Variants in ANKRD36 observed in about 807,000 individuals in gnomAD.
The protein encoded by ANKRD36 is ankyrin repeat domain 36.
ANKRD36 carries 179 observed loss-of-function variants against 278.1 expected under a neutral mutation model. The ratio of observed to expected loss-of-function variants is 0.64; its 90% confidence interval spans 0.57 to 0.73. The LOEUF (loss-of-function observed/expected upper bound fraction) is 0.73, where lower values mean the gene tolerates loss of function less well. Among genes scored for constraint, ANKRD36 ranks in the 30% least tolerant of loss-of-function variants. ANKRD36 has a pLI of 0.00. For synonymous variants in ANKRD36, 320 were observed against 641.1 expected, an observed-to-expected ratio of 0.50 and a Z score of 7.57; for missense variants, 1,159 against 1,956.7, an observed-to-expected ratio of 0.59 and a Z score of 7.69.
chr2:97,183,786 A>G, intron 28 of ANKRD36, 132 bp downstream of exon 28: 2 of 1,286,616 alleles, frequency 1.6e-6, no homozygotes, highest in Non-Finnish European at 2.1e-6. Context: ...ATGCATTTCT[A>G]GTAAGTTGTC....
At chr2:97,201,272 G>T (rs1423371708) in intron 46 of ANKRD36, among the ~76,000 whole-genome samples, 15 of 152,002 alleles carry the variant, frequency 9.9e-5, no homozygotes, top group South Asian at 6.3e-4. Context: ...TGGTTTCCTT[G>T]TTCAAGGAGC....
chr2:97,158,805 A>G (rs2048160771), intron 17 of ANKRD36, 150 bp downstream of exon 17: 1 of 779,872 alleles, frequency 1.3e-6, no homozygotes, highest in African/African-American at 1.7e-5. Flanking sequence ...TTCACTTGCC[A>G]TCTCCCTGTC....
intron 48 of ANKRD36, among the ~76,000 whole-genome samples, chr2:97,203,413 C>T (rs1259894075): frequency 2.6e-5 from 4 of 151,856 alleles, no homozygotes; most frequent in Non-Finnish European, 4.4e-5. Flanking sequence ...CTTCGTGCCA[C>T]GACTGGATGA....
rs1401081926 is a variant in ANKRD36 at position 97,204,167 on chromosome 2, TATTTC to T, written c.2989-17_2989-13del. 2.5e-6 allele frequency: 4 copies of T among 1,576,556 alleles called. No homozygotes were observed. Among genetic ancestry groups the T allele is most frequent in the Non-Finnish European group, 3.4e-6 (4 of 1,163,852 alleles). On this transcript the variant is annotated intron_variant, in intron 49 of 75. Coordinates refer to ENST00000420699, the MANE Select transcript of ANKRD36 (RefSeq NM_001354587.1). ...TACGAAACATACTTTATTAATTTAT[TATTTC>T]ATTTCAAATTCCATTCAGGCTACAA...
rs539354495 is a variant in ANKRD36, at chr2:97,207,422, T to C, written c.3164-389T>C. The stretch of plus-strand genomic sequence containing the variant: ...TTTGTAGTATAATGGTGTAAATCCT[T>C]TTTATTTCCTGCATGAAAGACATGT... On this transcript the variant is annotated intron_variant, in intron 52 of 75. Coordinates refer to ENST00000420699, the MANE Select transcript of ANKRD36 (RefSeq NM_001354587.1). Among the ~76,000 whole-genome samples, 637 of 151,222 alleles carry C rather than the reference T, an allele frequency of 4.2e-3. 7 individuals are homozygous for C. The highest frequency in any genetic ancestry group is 0.015 in the African/African-American group (609 of 41,428).
chr2:97,217,089 A>G, intron 62 of ANKRD36, 88 bp from the exon 63 acceptor site: 1 of 1,544,162 alleles, frequency 6.5e-7, no homozygotes, highest in South Asian at 1.2e-5. Flanking sequence ...AGGCAGAAGG[A>G]TACAGCTTGA....
At chr2:97,123,389 A>G (rs2037473921) in intron 4 of ANKRD36, among the ~76,000 whole-genome samples, 1 of 102,568 alleles carries the variant, frequency 9.7e-6, no homozygotes, top group African/African-American at 2.7e-5. Flanking sequence ...CTGTGTTTTG[A>G]TGTTGTTTTT....
intron 15 of ANKRD36, among the ~76,000 whole-genome samples, 172 bp downstream of exon 15, chr2:97,154,913 T>A (rs1020531956): frequency 6.9e-6 from 1 of 144,324 alleles, no homozygotes; most frequent in African/African-American, 2.5e-5. Flanking sequence ...TAATTTTAAT[T>A]TTTTTTTACT....
Position 97,158,165 on chromosome 2 carries a change from A to G in ANKRD36, c.1319A>G (p.Asn440Ser), listed in dbSNP as rs965772084. The G allele has an allele frequency of 2.0e-6, 3 of 1,503,626 alleles. No individual in the cohort carries two copies. Among genetic ancestry groups the G allele is most frequent in the African/African-American group, 2.8e-5 (2 of 72,260 alleles). The allele number at this position is 1,503,626 out of a possible 1,614,324, so 93.1% of individuals were successfully genotyped here. The stretch of plus-strand genomic sequence containing the variant: ...ACTATTTCTCAACAATCTGCAGAAA[A>G]TTGTAAGCTATTTGAAACCTGACTA... ...RRTISQQSAE[N>S]LDAACGIDKT... The change falls in exon 16 of 76, where the codon AAT becomes AGT. Residue 440 changes from asparagine to serine, a missense_variant and splice_region_variant. Coordinates refer to ENST00000420699, the MANE Select transcript of ANKRD36 (RefSeq NM_001354587.1).
At chr2:97,132,866 G>T (rs1163304918) in intron 6 of ANKRD36, among the ~76,000 whole-genome samples, 5 of 152,062 alleles carry the variant, frequency 3.3e-5, no homozygotes, top group Admixed American at 6.6e-5. Flanking sequence ...AATTTTGACA[G>T]CACATGGGCA....
At chr2:97,152,556 A>G (rs907309774) in intron 14 of ANKRD36, 22 bp downstream of exon 14, 3 of 1,464,292 alleles carry the variant, frequency 2.0e-6, no homozygotes, top group Non-Finnish European at 2.8e-6. Flanking sequence ...GAGATTTTTT[A>G]AAGTGATATG....
intron 10 of ANKRD36, among the ~76,000 whole-genome samples, chr2:97,145,908 C>T (rs1215287421): frequency 6.6e-6 from 1 of 152,036 alleles, no homozygotes. Flanking sequence ...TTGAAGTGCA[C>T]GTTCATCTAA....
chr2:97,186,813 G>C (rs756981975), intron 30 of ANKRD36, among the ~76,000 whole-genome samples: 47 of 151,786 alleles, frequency 3.1e-4, no homozygotes, highest in Non-Finnish European at 6.8e-4. Context: ...AAATCATTTG[G>C]ATATCTTGCA....
At chr2:97,202,471 G>C in intron 48 of ANKRD36, 78 bp downstream of exon 48, 43 of 1,529,704 alleles carry the variant, frequency 2.8e-5, no homozygotes, top group Non-Finnish European at 3.7e-5. Flanking sequence ...AATCAGCGGG[G>C]GGCTCGTCGA....
intron 67 of ANKRD36, among the ~76,000 whole-genome samples, chr2:97,232,760 C>G (rs1188834134): frequency 6.7e-6 from 1 of 150,028 alleles, no homozygotes; most frequent in Non-Finnish European, 1.5e-5. Context: ...CGACAACAAA[C>G]CAGATACTGA....
intron 22 of ANKRD36, among the ~76,000 whole-genome samples, chr2:97,178,276 C>T (rs1391044637): frequency 6.6e-6 from 1 of 151,908 alleles, no homozygotes; most frequent in African/African-American, 2.4e-5. Context: ...GTGGAGATTC[C>T]TCAGTGATCT....
At chr2:97,148,674 A>G (rs190778178) in intron 11 of ANKRD36, among the ~76,000 whole-genome samples, 1 of 152,312 alleles carries the variant, frequency 6.6e-6, no homozygotes, top group Non-Finnish European at 1.5e-5. Flanking sequence ...ATCTAACAAC[A>G]TATACATTTG....
Position 97,144,638 on chromosome 2 carries a change from A to G in ANKRD36, c.931-2A>G, listed in dbSNP as rs762070898. The G allele has an allele frequency of 6.5e-7, 1 of 1,545,092 alleles. No homozygotes were observed. The highest frequency in any genetic ancestry group is 1.2e-5 in the South Asian group (1 of 84,344). ...GATTATTTTGTTTGAAATCCCACTC[A>G]GGATACAAGTGACAAGGATGATTCT... On this transcript the variant is annotated splice_acceptor_variant, in intron 9 of 75. Coordinates refer to ENST00000420699, the MANE Select transcript of ANKRD36 (RefSeq NM_001354587.1). LOFTEE classifies it high-confidence loss of function.
chr2:97,225,726 T>C (rs1277047152), intron 67 of ANKRD36, among the ~76,000 whole-genome samples: 35 of 151,800 alleles, frequency 2.3e-4, no homozygotes, highest in Middle Eastern at 3.2e-3. Context: ...CTGCACCCAT[T>C]AACTCGTCAT....
Sources: gnomAD v4.1 joint callset for allele counts (sites outside exome capture counted in the v4.1 genomes callset) on GRCh38, gnomAD v4.1.1 for gene constraint, MANE v1.5 for transcripts, NCBI Gene and HGNC (gene_info 2026-07-23, HGNC 2026-07-21) for gene names.